The following SASH1 variants were observed in gnomAD, a reference collection of about 807,000 sequenced individuals.
The protein encoded by SASH1 is SAM and SH3 domain-containing protein 1.
In SASH1, 44 loss-of-function variants were observed where a neutral mutation model predicts 125.2. The observed-to-expected ratio is 0.35, with a 90% confidence interval of 0.28 to 0.45. The LOEUF (loss-of-function observed/expected upper bound fraction) is 0.45. SASH1 is among the 20% of genes least tolerant of loss of function. SASH1 has a pLI of 1.00. For missense variants in SASH1, 1,426 were observed against 1,614.5 expected (o/e 0.88, Z 2.00); for synonymous variants, 639 against 649.1 (o/e 0.98, Z 0.24).
intron 8 of SASH1, among the ~76,000 whole-genome samples, chr6:148,497,917 G>A (rs989164775): frequency 6.6e-5 from 10 of 152,148 alleles, no homozygotes; most frequent in South Asian, 2.1e-4. Context: ...TGATGACGTC[G>A]TCTCATGGAG....
At position 148,452,899 on chromosome 6, in the gene SASH1, C is replaced by G. The variant is rs559675345; in HGVS notation, c.386+12492C>G. Among the ~76,000 whole-genome samples, 6 of 152,366 alleles carry G rather than the reference C, an allele frequency of 3.9e-5. No homozygotes were observed. The South Asian group carries it at 1.2e-3, about 32-fold the overall frequency. The stretch of plus-strand genomic sequence containing the variant: ...AATGGGGGCGACTAGGAAACAACAG[C>G]TATTTTCATAGAGCCTGTGCAGTAG... On this transcript the variant is annotated intron_variant, in intron 4 of 19. Coordinates refer to ENST00000367467, the MANE Select transcript of SASH1 (RefSeq NM_015278.5).
At chr6:148,219,462 T>A in the SASH1 span, among the ~76,000 whole-genome samples, 1 of 152,162 alleles carries the variant, frequency 6.6e-6, no homozygotes, top group Non-Finnish European at 1.5e-5. Context: ...GCTATGATGA[T>A]TCCCACTCAG....
chr6:148,471,647 T>C (rs1466253149), intron 6 of SASH1, 144 bp downstream of exon 6: 4 of 611,088 alleles, frequency 6.5e-6, no homozygotes, highest in Non-Finnish European at 1.2e-5. Context: ...GACATTTCTG[T>C]TATTACTTTA....
chr6:148,494,065 G>A (rs1779216011), intron 8 of SASH1, among the ~76,000 whole-genome samples: 1 of 152,100 alleles, frequency 6.6e-6, no homozygotes, highest in African/African-American at 2.4e-5. Flanking sequence ...GGGTTTTCTA[G>A]TTTTTTGCTA....
rs200841919 is a variant in SASH1 at position 148,307,019 on chromosome 6, C to CTTTCTTTTCT, written n.74+34645_74+34654dup. On this transcript the variant is annotated intron_variant and non_coding_transcript_variant, in intron 1 of 3. Coordinates refer to the SASH1 transcript ENST00000367469. ...CATCCTCAGCACAACCTACCTTTCT[C>CTTTCTTTTCT]TTTCTTTTCTTTCTTTCTTTCTTTC... Among the ~76,000 whole-genome samples, 10 of 145,930 alleles carry CTTTCTTTTCT rather than the reference C, an allele frequency of 6.9e-5. No homozygotes were observed. In the South Asian group the frequency reaches 2.2e-3, roughly 33 times the overall value.
intron 8 of SASH1, among the ~76,000 whole-genome samples, chr6:148,498,092 A>G (rs1779388829): frequency 2.6e-5 from 4 of 152,058 alleles, no homozygotes; most frequent in Admixed American, 2.6e-4. Flanking sequence ...TCCTCGACAT[A>G]TCAAAGGCTG....
intron 16 of SASH1, among the ~76,000 whole-genome samples, chr6:148,535,442 G>A (rs138611952): frequency 3.2e-4 from 49 of 152,330 alleles, no homozygotes; most frequent in African/African-American, 1.1e-3. Flanking sequence ...TTACTTCTCA[G>A]AGCACACGAG....
chr6:148,543,106 T>G (rs1389759740), intron 17 of SASH1, among the ~76,000 whole-genome samples: 1 of 152,206 alleles, frequency 6.6e-6, no homozygotes, highest in African/African-American at 2.4e-5. Context: ...TTTTGTAGAT[T>G]TTCTTTGGCA....
chr6:148,377,895 C>A (rs754025455), intron 1 of SASH1, among the ~76,000 whole-genome samples: 1 of 152,110 alleles, frequency 6.6e-6, no homozygotes, highest in Non-Finnish European at 1.5e-5. Flanking sequence ...CCTATTACAG[C>A]CTGTGGGGTA....
At chr6:148,239,473 G>A in the SASH1 span, among the ~76,000 whole-genome samples, 4 of 152,154 alleles carry the variant, frequency 2.6e-5, no homozygotes, top group South Asian at 8.3e-4. Context: ...AAGGGAAGCT[G>A]GCTTAGCTTT....
chr6:148,422,750 G>T (rs1241876786), intron 2 of SASH1, among the ~76,000 whole-genome samples: 1 of 139,962 alleles, frequency 7.1e-6, no homozygotes, highest in East Asian at 2.1e-4. Context: ...TGTCATTTAT[G>T]TATATTACAT....
intron 7 of SASH1, chr6:148,478,839 G>C (rs1019420777): frequency 6.3e-6 from 1 of 158,306 alleles, no homozygotes; most frequent in East Asian, 1.9e-4. Context: ...TAACCACCTG[G>C]CCTAGCTGCC....
rs1166775819 is a variant in SASH1 at position 148,418,125 on chromosome 6, G to A, written c.286-22059G>A. ...ATATAGATGTTTGGTAGCTCCAAAG[G>A]TGTTTGACATTGTTCTTTCTATAGT... On this transcript the variant is annotated intron_variant, in intron 2 of 19. Transcript: ENST00000367467. Among the ~76,000 whole-genome samples the A allele has an allele frequency of 2.0e-5, 3 of 152,158 alleles. 1 individual carries two copies. The highest frequency in any genetic ancestry group is 2.1e-4 in the South Asian group (1 of 4,830).
intron 4 of SASH1, among the ~76,000 whole-genome samples, chr6:148,466,461 G>A (rs919453517): frequency 1.3e-5 from 2 of 152,168 alleles, no homozygotes; most frequent in African/African-American, 4.8e-5. Context: ...GCTGCTCTGC[G>A]TGAAAAAGCC....
At chr6:148,201,239 AG>A in the SASH1 span, among the ~76,000 whole-genome samples, 1 of 152,226 alleles carries the variant, frequency 6.6e-6, no homozygotes. Flanking sequence ...AGCATGTGCT[AG>A]AAACTGTGCT....
At chr6:148,472,576 C>T (rs1464508025) in intron 6 of SASH1, among the ~76,000 whole-genome samples, 1 of 152,178 alleles carries the variant, frequency 6.6e-6, no homozygotes, top group Admixed American at 6.5e-5. Context: ...CCATCACCCA[C>T]TCTGCCATTT....
At chr6:148,525,944 A>G (rs773420034) in intron 11 of SASH1, among the ~76,000 whole-genome samples, 1 of 151,298 alleles carries the variant, frequency 6.6e-6, no homozygotes, top group African/African-American at 2.4e-5. Context: ...CTGCCCTCTC[A>G]GACCTGCTTT....
chr6:148,511,911 G>A (rs533946153), intron 8 of SASH1, among the ~76,000 whole-genome samples: 50 of 152,092 alleles, frequency 3.3e-4, no homozygotes, highest in Admixed American at 9.2e-4. Flanking sequence ...CTAGGTATGA[G>A]GTATACACAT....
At chr6:148,207,654 A>G in the SASH1 span, among the ~76,000 whole-genome samples, 1 of 152,220 alleles carries the variant, frequency 6.6e-6, no homozygotes, top group Non-Finnish European at 1.5e-5. Context: ...AGACACAGAC[A>G]GAATGAAGAG....
Sources: allele counts gnomAD v4.1 joint callset (sites outside exome capture counted in the v4.1 genomes callset), GRCh38; gene constraint gnomAD v4.1.1; transcripts MANE v1.5; gene names NCBI Gene and HGNC (gene_info 2026-07-23, HGNC 2026-07-21).